CLEC16A: variants seen among roughly 807,000 people sequenced by gnomAD.
The protein encoded by CLEC16A is C-type lectin domain containing 16A.
A neutral mutation model predicts 109.5 loss-of-function variants in CLEC16A; 51 were observed. The observed-to-expected ratio is 0.47, with a 90% CI of 0.37 to 0.59. The LOEUF (loss-of-function observed/expected upper bound fraction) is 0.59, where lower values mean the gene tolerates loss of function less well. Ranked by LOEUF, CLEC16A falls within the 20% of genes least tolerant of loss-of-function variation. CLEC16A has a pLI of 0.00. For missense variants in CLEC16A, 1,339 were observed against 1,394.0 expected, an observed-to-expected ratio of 0.96 and a Z score of 0.63; for synonymous variants, 673 against 564.2, an observed-to-expected ratio of 1.19 and a Z score of -2.73.
intron 2 of CLEC16A, 133 bp downstream of exon 2, chr16:10,958,043 C>T: frequency 2.8e-6 from 2 of 713,638 alleles, no homozygotes; most frequent in South Asian, 6.3e-5. Flanking sequence ...CTATCTCTGT[C>T]TAGCTGTAAA....
intron 19 of CLEC16A, among the ~76,000 whole-genome samples, chr16:11,102,495 G>T (rs529848112): frequency 6.6e-6 from 1 of 152,360 alleles, no homozygotes; most frequent in South Asian, 2.1e-4. Context: ...GTGCCGGTAA[G>T]CATTCACTCT....
intron 19 of CLEC16A, among the ~76,000 whole-genome samples, chr16:11,095,817 GAAAAA>G (rs34366897): frequency 1.0e-4 from 11 of 105,898 alleles, no homozygotes; most frequent in African/African-American, 3.8e-4. Flanking sequence ...GTCTCAAAAA[GAAAAA>G]AAAAAAAAAA....
intron 17 of CLEC16A, chr16:11,047,809 T>G (rs1180880172): frequency 1.3e-5 from 2 of 152,322 alleles, no homozygotes; most frequent in African/African-American, 2.4e-5. Flanking sequence ...CAGTTCCACA[T>G]TGCCGGAGAG....
intron 19 of CLEC16A, among the ~76,000 whole-genome samples, chr16:11,091,251 A>G (rs1327544342): frequency 6.6e-6 from 1 of 152,250 alleles, no homozygotes; most frequent in Non-Finnish European, 1.5e-5. Flanking sequence ...TGAAAATGAT[A>G]TCACTTATTT....
intron 17 of CLEC16A, chr16:11,048,407 C>T (rs1472966300): frequency 6.6e-6 from 1 of 152,262 alleles, no homozygotes; most frequent in Non-Finnish European, 1.5e-5. Context: ...CTGCCCTTGG[C>T]TAGGTACTCC....
chr16:11,046,619 C>G (rs1025119827), intron 16 of CLEC16A, among the ~76,000 whole-genome samples: 10 of 152,286 alleles, frequency 6.6e-5, no homozygotes, highest in Non-Finnish European at 1.3e-4. Context: ...CCTCGCATTT[C>G]ATGTGCATTA....
chr16:11,179,809 C>G lies in CLEC16A; in HGVS notation c.*1119C>G, dbSNP rs935620101. 6.6e-6 allele frequency: 1 copy of G among 152,472 alleles called. No homozygotes were observed. Among genetic ancestry groups the G allele is most frequent in the Non-Finnish European group, 1.5e-5 (1 of 68,240 alleles). 9.4% of individuals were successfully genotyped at this position (152,472 alleles called of 1,614,324 possible). ...TGTCCCCAGAGCTCTGAGTCTGTCA[C>G]TCTCCCTCTGCTACTGCTGCTGATC... On this transcript the variant is annotated 3_prime_UTR_variant, in exon 24 of 24. Coordinates refer to ENST00000409790, the MANE Select transcript of CLEC16A (RefSeq NM_015226.3).
chr16:10,972,046 G>A (rs1282597743), intron 5 of CLEC16A, among the ~76,000 whole-genome samples: 3 of 152,166 alleles, frequency 2.0e-5, no homozygotes, highest in African/African-American at 7.2e-5. Context: ...AGCCCAACTG[G>A]ACCCACCCAG....
Position 11,098,357 on chromosome 16 carries a change from G to C in CLEC16A, c.2117-22258G>C, listed in dbSNP as rs901492849. ...GCCGAGGATGCAGAAAGGGACAGGGGACCAAGTGGCAGGTAGCCTTTTCTT... is the reference window on the plus strand; with the variant it reads ...GCCGAGGATGCAGAAAGGGACAGGGCACCAAGTGGCAGGTAGCCTTTTCTT... On this transcript the variant is annotated intron_variant, in intron 19 of 23. Transcript: ENST00000409790. Among the ~76,000 whole-genome samples, 21 of 152,372 alleles carry C rather than the reference G, an allele frequency of 1.4e-4. No individual in the cohort carries two copies. In the South Asian group the frequency reaches 2.5e-3, roughly 18 times the overall value.
chr16:11,100,840 G>C (rs751528084), intron 19 of CLEC16A, among the ~76,000 whole-genome samples: 3 of 152,198 alleles, frequency 2.0e-5, no homozygotes, highest in African/African-American at 4.8e-5. Flanking sequence ...TGCAGGGTTT[G>C]CAGATGAACT....
chr16:10,982,196 G>A (rs567572910), intron 9 of CLEC16A, among the ~76,000 whole-genome samples: 3 of 152,308 alleles, frequency 2.0e-5, no homozygotes, highest in African/African-American at 4.8e-5. Context: ...GATTCTTAAA[G>A]CTGGTCCTCT....
At chr16:11,126,298 C>A in intron 22 of CLEC16A, 152 bp downstream of exon 22, 2 of 1,536,862 alleles carry the variant, frequency 1.3e-6, no homozygotes, top group South Asian at 1.2e-5. Context: ...CAAAGCACAG[C>A]GCAAGATTAA....
At chr16:11,111,567 A>G (rs2051588219) in intron 19 of CLEC16A, among the ~76,000 whole-genome samples, 2 of 152,230 alleles carry the variant, frequency 1.3e-5, no homozygotes, top group Admixed American at 1.3e-4. Flanking sequence ...TATGAGAAGA[A>G]CATGTAGGTA....
intron 20 of CLEC16A, among the ~76,000 whole-genome samples, chr16:11,122,675 C>T (rs151163048): frequency 3.3e-5 from 5 of 152,276 alleles, no homozygotes; most frequent in African/African-American, 1.2e-4. Context: ...CCAATGTTGT[C>T]CCCACCTCCT....
chr16:10,998,154 A>C (rs1286253624), intron 10 of CLEC16A, among the ~76,000 whole-genome samples: 1 of 152,224 alleles, frequency 6.6e-6, no homozygotes, highest in Non-Finnish European at 1.5e-5. Context: ...TTGAAAAAGC[A>C]AGGACCAAAG....
At chr16:10,992,797 A>T (rs565883345) in intron 10 of CLEC16A, among the ~76,000 whole-genome samples, 4 of 152,222 alleles carry the variant, frequency 2.6e-5, no homozygotes, top group African/African-American at 9.6e-5. Flanking sequence ...TGGGGGATAG[A>T]CAGTAAGCCA....
chr16:11,096,360 A>G (rs2152975438), intron 19 of CLEC16A, among the ~76,000 whole-genome samples: 1 of 152,224 alleles, frequency 6.6e-6, no homozygotes, highest in South Asian at 2.1e-4. Context: ...GTAAAATAAA[A>G]TAAAAACTAA....
At chr16:11,089,254 T>G (rs569946611) in intron 19 of CLEC16A, among the ~76,000 whole-genome samples, 22 of 152,236 alleles carry the variant, frequency 1.4e-4, no homozygotes, top group Non-Finnish European at 3.2e-4. Context: ...CATCTTGTTC[T>G]GCACTTGGTT....
intron 9 of CLEC16A, among the ~76,000 whole-genome samples, chr16:10,981,661 A>G (rs905948386): frequency 1.3e-5 from 2 of 152,202 alleles, no homozygotes; most frequent in Non-Finnish European, 2.9e-5. Context: ...TTTAAAAAAT[A>G]ATTTTTTTTA....
Sources: allele counts gnomAD v4.1 joint callset (sites outside exome capture counted in the v4.1 genomes callset), GRCh38; gene constraint gnomAD v4.1.1; transcripts MANE v1.5; gene names NCBI Gene and HGNC (gene_info 2026-07-23, HGNC 2026-07-21).